TRIP12: variants seen among roughly 807,000 people sequenced by gnomAD.
TRIP12 encodes thyroid hormone receptor interactor 12.
TRIP12 carries 25 observed loss-of-function variants against 244.2 expected under a neutral mutation model. That is an observed-to-expected ratio of 0.10 (90% CI 0.07 to 0.14). TRIP12 has a LOEUF of 0.14. Ranked by LOEUF, TRIP12 falls within the 10% of genes least tolerant of loss-of-function variation. TRIP12 has a pLI of 1.00. For synonymous variants in TRIP12, 905 were observed against 873.1 expected (o/e 1.04, Z -0.64); for missense variants, 1,677 against 2,486.4 (o/e 0.67, Z 6.92).
At chr2:229,851,035 C>T (rs749977279) in intron 4 of TRIP12, among the ~76,000 whole-genome samples, 1 of 152,202 alleles carries the variant, frequency 6.6e-6, no homozygotes, top group African/African-American at 2.4e-5. Context: ...CAAGCCTCCC[C>T]GACGAGCGCC....
chr2:229,905,249 G>C (rs1179675574), intron 1 of TRIP12, among the ~76,000 whole-genome samples: 1 of 150,888 alleles, frequency 6.6e-6, no homozygotes, highest in Admixed American at 6.6e-5. Flanking sequence ...ACTCCAGCCT[G>C]GGCAACAAGA....
intron 23 of TRIP12, among the ~76,000 whole-genome samples, chr2:229,798,377 T>C (rs906682301): frequency 6.6e-6 from 1 of 152,032 alleles, no homozygotes; most frequent in Non-Finnish European, 1.5e-5. Flanking sequence ...TGACATTTGG[T>C]CTTTTAAAAT....
intron 32 of TRIP12, 70 bp from the exon 33 acceptor site, chr2:229,787,731 CTTATA>C (rs2040437582): frequency 5.1e-6 from 7 of 1,367,922 alleles, no homozygotes; most frequent in South Asian, 1.5e-5. Context: ...AAAATCCAAA[CTTATA>C]TTAGAAACAA....
intron 4 of TRIP12, among the ~76,000 whole-genome samples, chr2:229,850,840 A>G (rs1220556814): frequency 6.6e-6 from 1 of 152,186 alleles, no homozygotes; most frequent in Admixed American, 6.5e-5. Flanking sequence ...GGCCCCAGGC[A>G]ATGAGGGGCT....
At chr2:229,890,808 C>CCAAAA (rs764182564) in intron 1 of TRIP12, among the ~76,000 whole-genome samples, 19 of 152,182 alleles carry the variant, frequency 1.2e-4, no homozygotes, top group African/African-American at 4.6e-4. Flanking sequence ...CACATTTCTA[C>CCAAAA]ATTTAGCATT....
At chr2:229,843,555 C>T (rs779461719) in intron 4 of TRIP12, among the ~76,000 whole-genome samples, 1 of 152,054 alleles carries the variant, frequency 6.6e-6, no homozygotes, top group Non-Finnish European at 1.5e-5. Context: ...CAGATCTTGT[C>T]CTCACAAGAA....
intron 1 of TRIP12, among the ~76,000 whole-genome samples, chr2:229,917,350 C>T (rs541522550): frequency 2.5e-5 from 3 of 119,458 alleles, no homozygotes; most frequent in African/African-American, 3.3e-5. Context: ...CATTGCACTC[C>T]ACCCTGGGCA....
intron 6 of TRIP12, among the ~76,000 whole-genome samples, chr2:229,836,037 G>C (rs928735116): frequency 6.6e-6 from 1 of 152,114 alleles, no homozygotes; most frequent in Non-Finnish European, 1.5e-5. Flanking sequence ...CATCAATAGC[G>C]GGTAAACCAC....
chr2:229,897,676 GT>G (rs1472740015), intron 1 of TRIP12, among the ~76,000 whole-genome samples: 1 of 152,150 alleles, frequency 6.6e-6, no homozygotes, highest in African/African-American at 2.4e-5. Flanking sequence ...ATCTATTCAA[GT>G]TTTACAAAAT....
intron 1 of TRIP12, among the ~76,000 whole-genome samples, chr2:229,903,889 G>C (rs989517153): frequency 7.4e-5 from 11 of 149,228 alleles, no homozygotes; most frequent in African/African-American, 2.7e-4. Flanking sequence ...AAAAAAATTA[G>C]CCAGGCATCG....
intron 21 of TRIP12, 150 bp downstream of exon 21, chr2:229,802,102 T>C: frequency 1.9e-6 from 1 of 531,814 alleles, no homozygotes; most frequent in Non-Finnish European, 3.0e-6. Flanking sequence ...CCAATAAATG[T>C]TTTCTTCCCA....
chr2:229,915,953 C>A (rs895604408), intron 1 of TRIP12, among the ~76,000 whole-genome samples: 1 of 152,276 alleles, frequency 6.6e-6, no homozygotes, highest in Admixed American at 6.5e-5. Context: ...CCTCAGCCTC[C>A]CAAAGTTCTG....
In TRIP12 at chr2:229,807,732, G is replaced by A. The variant is rs978784481; in HGVS notation, c.2472C>T (p.Asn824=). The A allele has an allele frequency of 1.2e-6, 2 of 1,614,106 alleles. No individual in the cohort carries two copies. Among genetic ancestry groups the A allele is most frequent in the Admixed American group, 1.7e-5 (1 of 60,006 alleles). The change falls in exon 17 of 42, where the codon AAC becomes AAT. Residue 824 remains asparagine (N), a synonymous_variant. Coordinates refer to ENST00000675903, the MANE Select transcript of TRIP12 (RefSeq NM_001348323.3). ...CCTCAATGATCCGGCTGTCAATCCT[G>A]TTATATGGATGCCAGAGGCCCCGAT... ...RDDRGLWHPY[N]RIDSRIIEAA...
chr2:229,791,689 A>C (rs1010990096), intron 29 of TRIP12, 177 bp downstream of exon 29: 3 of 625,532 alleles, frequency 4.8e-6, no homozygotes, highest in African/African-American at 3.7e-5. Flanking sequence ...ATGAATGAGG[A>C]GGCTACATAT....
At chr2:229,894,180 C>T (rs561026223) in intron 1 of TRIP12, among the ~76,000 whole-genome samples, 1 of 152,210 alleles carries the variant, frequency 6.6e-6, no homozygotes, top group Admixed American at 6.5e-5. Context: ...CGTTATTCTG[C>T]TGGGTGTGTA....
chr2:229,792,247 T>C (rs2041714647), intron 27 of TRIP12, 21 bp from the exon 28 acceptor site: 3 of 1,609,978 alleles, frequency 1.9e-6, no homozygotes, highest in Non-Finnish European at 2.5e-6. Context: ...AAGTAGACTT[T>C]TAAACTCTTA....
At chr2:229,788,152 A>G (rs1024212129) in intron 32 of TRIP12, among the ~76,000 whole-genome samples, 3 of 152,224 alleles carry the variant, frequency 2.0e-5, no homozygotes, top group East Asian at 3.8e-4. Flanking sequence ...GAAATTTCTA[A>G]GTGATCAAGT....
chr2:229,806,717 A>T (rs980447219), intron 17 of TRIP12, among the ~76,000 whole-genome samples: 6 of 152,200 alleles, frequency 3.9e-5, no homozygotes, highest in African/African-American at 1.4e-4. Context: ...TTTCTCATAA[A>T]AGCTTGCTCT....
rs1559332965 is a variant in TRIP12 at position 229,777,546 on chromosome 2, C to T, written c.5365-67G>A. On this transcript the variant is annotated intron_variant, in intron 36 of 41. Coordinates refer to ENST00000675903, the MANE Select transcript of TRIP12 (RefSeq NM_001348323.3). ...CTTCCAGCATTACCTCCATCTAAGG[C>T]ACTTCAGGAGATCATTTAAATATTA... 30 of 1,512,484 alleles carry T rather than the reference C, an allele frequency of 2.0e-5. No homozygotes were observed. In the South Asian group the frequency reaches 2.4e-4, roughly 12 times the overall value. 93.7% of individuals were successfully genotyped at this position (1,512,484 alleles called of 1,614,324 possible). A position where few individuals can be genotyped will look rare whatever the true frequency, so the allele number is the denominator to read the frequency against.
Sources: gnomAD v4.1 joint callset for allele counts (sites outside exome capture counted in the v4.1 genomes callset) on GRCh38, gnomAD v4.1.1 for gene constraint, MANE v1.5 for transcripts, NCBI Gene and HGNC (gene_info 2026-07-23, HGNC 2026-07-21) for gene names.